The following ERG variants were observed in gnomAD, a reference collection of about 807,000 sequenced individuals.
ERG encodes the protein ETS transcription factor ERG.
Under a neutral mutation model 55.3 loss-of-function variants are expected in ERG, and 9 were observed. The observed-to-expected ratio is 0.16, with a 90% confidence interval of 0.10 to 0.28. ERG has a LOEUF of 0.28. Ranked by LOEUF, ERG falls within the 10% of genes least tolerant of loss-of-function variation. ERG has a pLI of 1.00. For synonymous variants in ERG, 223 were observed against 237.3 expected (o/e 0.94, Z 0.55); for missense variants, 434 against 631.6 (o/e 0.69, Z 3.35).
chr21:38,500,435 A>G (rs868323804), upstream of ERG, among the ~76,000 whole-genome samples: 18 of 152,330 alleles, frequency 1.2e-4, no homozygotes, highest in Admixed American at 1.2e-3. Flanking sequence ...AATGCAAATC[A>G]AACTGTGAAG....
intron 1 of ERG, among the ~76,000 whole-genome samples, chr21:38,492,029 TC>T (rs2146678185): frequency 1.3e-5 from 1 of 77,144 alleles, no homozygotes; most frequent in South Asian, 4.7e-4. Context: ...ATTTTCATTA[TC>T]CAATTATTTC....
At chr21:38,636,903 C>T (rs1319434459) in intron 1 of ERG, among the ~76,000 whole-genome samples, 2 of 152,100 alleles carry the variant, frequency 1.3e-5, no homozygotes, top group Admixed American at 6.5e-5. Flanking sequence ...AACAAACTGT[C>T]AAAAAGGAAG....
chr21:38,429,685 A>G (rs142599965), intron 2 of ERG, among the ~76,000 whole-genome samples: 3,448 of 136,956 alleles, frequency 0.025, 627 homozygotes, highest in African/African-American at 0.055. Context: ...ATATGTATAT[A>G]TGTGTGTATA....
intron 2 of ERG, among the ~76,000 whole-genome samples, chr21:38,506,408 T>C (rs1296057352): frequency 6.6e-6 from 1 of 152,090 alleles, no homozygotes; most frequent in South Asian, 2.1e-4. Flanking sequence ...CTGTAATATA[T>C]CAGATGTGAA....
rs958677939 is a variant in ERG, at chr21:38,625,991, C to A, written c.-150+35667G>T. Among the ~76,000 whole-genome samples the A allele has an allele frequency of 2.9e-5, 4 of 138,724 alleles. No individual in the cohort carries two copies. The East Asian group carries it at 8.8e-4, about 31-fold the overall frequency. 91.0% of individuals were successfully genotyped at this position (138,724 alleles called of 152,430 possible). A position where few individuals can be genotyped will look rare whatever the true frequency, so the allele number is the denominator to read the frequency against. ...AGGCTGGAGTGCAGTGGCGTGATCT[C>A]GGCTCACTACAACCTCTGCCTCCCA... On this transcript the variant is annotated intron_variant, in intron 1 of 10. Transcript: ENST00000398910.
intron 2 of ERG, among the ~76,000 whole-genome samples, chr21:38,432,764 G>C (rs947854465): frequency 6.6e-6 from 1 of 152,168 alleles, no homozygotes; most frequent in Non-Finnish European, 1.5e-5. Context: ...CACACAGCCA[G>C]TAGTGGAAGA....
At chr21:38,473,830 G>A (rs942124328) in intron 1 of ERG, among the ~76,000 whole-genome samples, 11 of 151,868 alleles carry the variant, frequency 7.2e-5, no homozygotes, top group African/African-American at 2.2e-4. Flanking sequence ...GTTTGCGTAC[G>A]TATGCATGTG....
At chr21:38,493,503 C>T (rs2059354437) in intron 1 of ERG, among the ~76,000 whole-genome samples, 1 of 152,190 alleles carries the variant, frequency 6.6e-6, no homozygotes, top group Admixed American at 6.5e-5. Context: ...GACTTTTAAA[C>T]GTTTTCTCTA....
intron 1 of ERG, among the ~76,000 whole-genome samples, chr21:38,637,129 C>G (rs1467174883): frequency 1.3e-5 from 2 of 152,178 alleles, no homozygotes; most frequent in African/African-American, 4.8e-5. Context: ...CCACTAGCCT[C>G]TCTTTGCTTT....
At chr21:38,395,983 G>A (rs1045635966) in intron 6 of ERG, among the ~76,000 whole-genome samples, 3 of 152,270 alleles carry the variant, frequency 2.0e-5, no homozygotes, top group Non-Finnish European at 1.5e-5. Context: ...AATGTGGATC[G>A]TGGAAGAGCT....
chr21:38,597,615 C>T (rs2060140089), intron 1 of ERG, among the ~76,000 whole-genome samples: 1 of 152,066 alleles, frequency 6.6e-6, no homozygotes, highest in Non-Finnish European at 1.5e-5. Flanking sequence ...TGTAGGATGT[C>T]CTGGGAACGA....
rs1987516483 is a variant in ERG at position 38,382,963 on chromosome 21, A to G, written c.*440T>C. 5 of 1,068,138 alleles carry G rather than the reference A, an allele frequency of 4.7e-6. No homozygotes were observed. The highest frequency in any genetic ancestry group is 5.7e-6 in the Non-Finnish European group (5 of 881,176). 66.2% of individuals were successfully genotyped at this position (1,068,138 alleles called of 1,614,324 possible). On this transcript the variant is annotated 3_prime_UTR_variant, in exon 10 of 10. Coordinates refer to ENST00000288319, the MANE Select transcript of ERG (RefSeq NM_182918.4). ...TGTTTTTGATATGTTTCTATTTTTA[A>G]ATACAGGTAGTTTTCCTTAAAATGG...
At chr21:38,440,633 C>T (rs1465991556) in intron 2 of ERG, among the ~76,000 whole-genome samples, 1 of 151,984 alleles carries the variant, frequency 6.6e-6, no homozygotes, top group Non-Finnish European at 1.5e-5. Context: ...CCAGCCTGGA[C>T]AACATGGTGA....
chr21:38,373,921 CCTTT>C, the ERG span, among the ~76,000 whole-genome samples: 2 of 152,096 alleles, frequency 1.3e-5, no homozygotes, highest in Admixed American at 6.5e-5. Flanking sequence ...GTTATTGTCA[CCTTT>C]CTATTATATT....
At chr21:38,473,159 C>CAAAAA (rs33994175) in intron 1 of ERG, among the ~76,000 whole-genome samples, 29 of 106,010 alleles carry the variant, frequency 2.7e-4, no homozygotes, top group African/African-American at 1.0e-3. Context: ...AGGATGCGCT[C>CAAAAA]AAAAAAAAAA....
intron 2 of ERG, among the ~76,000 whole-genome samples, chr21:38,543,364 T>TAAAAAA (rs57245755): frequency 6.7e-6 from 1 of 148,940 alleles, no homozygotes; most frequent in African/African-American, 2.5e-5. Flanking sequence ...TGTTTTTTTT[T>TAAAAAA]AAAAAAAAAG....
chr21:38,587,497 T>G (rs1295657974), upstream of ERG, among the ~76,000 whole-genome samples: 1 of 152,132 alleles, frequency 6.6e-6, no homozygotes, highest in Non-Finnish European at 1.5e-5. Flanking sequence ...TAGCTGGGAT[T>G]ACAGGCGCCC....
intron 1 of ERG, among the ~76,000 whole-genome samples, chr21:38,658,060 T>C (rs940119875): frequency 1.3e-5 from 2 of 152,244 alleles, no homozygotes; most frequent in East Asian, 3.9e-4. Context: ...CATTAAACAA[T>C]AGCTGTATTG....
At chr21:38,527,770 C>G (rs1381044941) in intron 2 of ERG, among the ~76,000 whole-genome samples, 7 of 152,182 alleles carry the variant, frequency 4.6e-5, no homozygotes, top group African/African-American at 9.7e-5. Context: ...TGAACAACTA[C>G]CCTGGTTAAA....
Sources: gnomAD v4.1 joint callset for allele counts (sites outside exome capture counted in the v4.1 genomes callset) on GRCh38, gnomAD v4.1.1 for gene constraint, MANE v1.5 for transcripts, NCBI Gene and HGNC (gene_info 2026-07-23, HGNC 2026-07-21) for gene names.